Variants in KCNC4 observed in about 807,000 individuals in gnomAD.
KCNC4 encodes potassium voltage-gated channel subfamily C member 4.
Under a neutral mutation model 42.8 loss-of-function variants are expected in KCNC4, and 23 were observed. That is an observed-to-expected ratio of 0.54 (90% CI 0.39 to 0.76). The LOEUF (loss-of-function observed/expected upper bound fraction) is 0.76. Ranked by LOEUF, KCNC4 falls within the 30% of genes least tolerant of loss-of-function variation. KCNC4 has a pLI of 0.00. For missense variants in KCNC4, 751 were observed against 898.2 expected (o/e 0.84, Z 2.10); for synonymous variants, 422 against 393.5 (o/e 1.07, Z -0.86).
intron 3 of KCNC4, chr1:110,232,358 C>T: frequency 6.3e-7 from 1 of 1,592,476 alleles, no homozygotes; most frequent in Non-Finnish European, 8.5e-7. Context: ...GCCTTCTTCA[C>T]CAGCTCCTTG....
rs1657942555 is a variant in KCNC4 at position 110,218,817 on chromosome 1, G to A, written c.679-4147G>A. Among the ~76,000 whole-genome samples the A allele has an allele frequency of 2.0e-5, 3 of 152,186 alleles. No individual in the cohort carries two copies. The South Asian group carries it at 6.2e-4, about 32-fold the overall frequency. On this transcript the variant is annotated intron_variant, in intron 1 of 3. Transcript: ENST00000438661. ...GGGTTGGTGGAGGAGGATGGTAATA[G>A]GGCTGAACAACTGGGCCTTTGGAGA...
At chr1:110,258,987 G>C (rs1030283735) in intron 1 of KCNC4, among the ~76,000 whole-genome samples, 6 of 152,200 alleles carry the variant, frequency 3.9e-5, no homozygotes, top group African/African-American at 1.4e-4. Flanking sequence ...TCTGGACTCA[G>C]AGCTGAATAG....
chr1:110,276,396 G>A (rs1313126505), intron 1 of KCNC4, among the ~76,000 whole-genome samples: 4 of 151,534 alleles, frequency 2.6e-5, no homozygotes, highest in Non-Finnish European at 5.9e-5. Flanking sequence ...ATGGTGTTCA[G>A]GCAAACAGGA....
intron 1 of KCNC4, among the ~76,000 whole-genome samples, chr1:110,266,620 C>T (rs1191842828): frequency 3.3e-5 from 5 of 152,198 alleles, no homozygotes; most frequent in Non-Finnish European, 7.3e-5. Flanking sequence ...CCCAAGGGCA[C>T]AGAACCTTTA....
chr1:110,269,143 C>T (rs1659598372), intron 1 of KCNC4, among the ~76,000 whole-genome samples: 1 of 152,298 alleles, frequency 6.6e-6, no homozygotes, highest in South Asian at 2.1e-4. Flanking sequence ...GCAAATCTCC[C>T]TGGGCCTTCC....
intron 1 of KCNC4, among the ~76,000 whole-genome samples, chr1:110,218,186 G>A (rs921957453): frequency 5.9e-5 from 9 of 152,114 alleles, no homozygotes; most frequent in South Asian, 4.2e-4. Flanking sequence ...CTCTCCCCTC[G>A]ACCCAGCCTG....
intron 3 of KCNC4, among the ~76,000 whole-genome samples, chr1:110,229,477 G>A (rs4839255): frequency 0.024 from 3,709 of 152,216 alleles, 121 homozygotes; most frequent in East Asian, 0.13. Context: ...CCGAGCTGCA[G>A]CATCGCTCTC....
At chr1:110,251,647 GGGATTATTTACCCAAGAGAGAAGGA>G (rs774543365), downstream of KCNC4, among the ~76,000 whole-genome samples, 6 of 152,164 alleles carry the variant, frequency 3.9e-5, no homozygotes, top group Non-Finnish European at 7.4e-5. Context: ...GTAAGCATTT[GGGATTATTTACCCAAGAGAGAAGGA>G]GGAACTTAAG....
In KCNC4 at chr1:110,211,743, G is replaced by A. The variant is rs1465874529; in HGVS notation, c.244G>A (p.Gly82Ser). The change falls in exon 1 of 4, where the codon GGT becomes AGT. Residue 82 changes from glycine to serine, a missense_variant. Transcript: ENST00000438661. This position sits in a 1 kb window ranked among gnomAD's most constrained non-coding sequence, Gnocchi z 6.5. ...GCCCGAGACCGATGGCGGCGGTGTG[G>A]GTAGCAGCGGCAGCAGCGGCGGCGG... ...GRPETDGGGV[G>S]SSGSSGGGGC... 2 of 1,609,452 alleles carry A rather than the reference G, an allele frequency of 1.2e-6. No homozygotes were observed. The highest frequency in any genetic ancestry group is 1.1e-5 in the South Asian group (1 of 90,812).
intron 3 of KCNC4, among the ~76,000 whole-genome samples, chr1:110,229,973 G>A (rs1325934314): frequency 6.6e-6 from 1 of 152,236 alleles, no homozygotes; most frequent in Non-Finnish European, 1.5e-5. Context: ...AGCAAAGATA[G>A]GATGGCAGGG....
chr1:110,214,882 G>A (rs1657688806), intron 1 of KCNC4, among the ~76,000 whole-genome samples: 1 of 152,206 alleles, frequency 6.6e-6, no homozygotes, highest in African/African-American at 2.4e-5. Context: ...AGGCCTGAGG[G>A]TACTATGCCA....
At chr1:110,250,963 C>A (rs1162728518), downstream of KCNC4, among the ~76,000 whole-genome samples, 1 of 152,182 alleles carries the variant, frequency 6.6e-6, no homozygotes, top group South Asian at 2.1e-4. Flanking sequence ...CTTTTGAGGT[C>A]AGTTCTGGGG....
intron 1 of KCNC4, among the ~76,000 whole-genome samples, chr1:110,258,024 G>T (rs1659366579): frequency 6.6e-6 from 1 of 152,182 alleles, no homozygotes; most frequent in Admixed American, 6.5e-5. Context: ...TTTCGCACTT[G>T]CCAGTAAGGG....
At chr1:110,282,456 T>G (rs1659844182) in intron 1 of KCNC4, 2 of 152,380 alleles carry the variant, frequency 1.3e-5, no homozygotes, top group East Asian at 3.9e-4. Context: ...TTTCTGTTTT[T>G]CCTCTACCTT....
chr1:110,266,983 G>A (rs1270732359), intron 1 of KCNC4, among the ~76,000 whole-genome samples: 1 of 152,174 alleles, frequency 6.6e-6, no homozygotes. Context: ...TCTGCCAAGA[G>A]GCCTGCAGCA....
intron 1 of KCNC4, chr1:110,256,654 C>A (rs915439114): frequency 1.3e-5 from 2 of 152,370 alleles, no homozygotes; most frequent in African/African-American, 2.4e-5. Flanking sequence ...GCGACGGAGG[C>A]CTTGCTCGCT....
chr1:110,220,616 C>G (rs970310707), intron 1 of KCNC4: 4 of 152,248 alleles, frequency 2.6e-5, no homozygotes, highest in African/African-American at 9.6e-5. Context: ...TTCTGCTTCC[C>G]ATGGTTCCTG....
chr1:110,248,235 TTAAA>T (rs1391665103), exon 4 of KCNC4: 3 of 152,248 alleles, frequency 2.0e-5, no homozygotes, highest in Non-Finnish European at 2.9e-5. Flanking sequence ...TTTGAATGTG[TTAAA>T]TAAATTATTA....
downstream of KCNC4, among the ~76,000 whole-genome samples, chr1:110,254,090 C>CA (rs1659288259): frequency 9.1e-6 from 1 of 109,322 alleles, no homozygotes; most frequent in African/African-American, 3.4e-5. Flanking sequence ...AGGCAGAAGT[C>CA]GGGGGGGGGG....
Sources: allele counts gnomAD v4.1 joint callset (sites outside exome capture counted in the v4.1 genomes callset), GRCh38; gene constraint gnomAD v4.1.1; non-coding constraint Gnocchi (gnomAD v3.1); transcripts MANE v1.5; gene names NCBI Gene and HGNC (gene_info 2026-07-23, HGNC 2026-07-21).